HPS3: variants seen among roughly 807,000 people sequenced by gnomAD.
The protein encoded by HPS3 is BLOC-2 complex member HPS3.
In HPS3, 79 loss-of-function variants were observed where a neutral mutation model predicts 110.9. That is an observed-to-expected ratio of 0.71 (90% CI 0.59 to 0.86). HPS3 has a LOEUF of 0.86. HPS3 is among the 40% of genes least tolerant of loss of function. The pLI is 0.00. For missense variants in HPS3, 1,197 were observed against 1,206.2 expected, an observed-to-expected ratio of 0.99 and a Z score of 0.11; for synonymous variants, 428 against 451.0, an observed-to-expected ratio of 0.95 and a Z score of 0.65.
chr3:149,171,610 A>G lies in HPS3; in HGVS notation c.2888-485A>G, dbSNP rs967469381. On this transcript the variant is annotated intron_variant, in intron 16 of 16. Coordinates refer to ENST00000296051, the MANE Select transcript of HPS3 (RefSeq NM_032383.5). ...CCTTCAAAGGATTCTAGTAAGGAAAAATAAGTTACAACCATAAAGAAGCCT... is the reference window on the plus strand; with the variant it reads ...CCTTCAAAGGATTCTAGTAAGGAAAGATAAGTTACAACCATAAAGAAGCCT... 2.6e-5 allele frequency among the ~76,000 whole-genome samples: 4 copies of G among 152,212 alleles called. No homozygotes were observed. The South Asian group carries it at 8.3e-4, about 31-fold the overall frequency.
At chr3:149,167,374 A>G (rs1724529698) in intron 15 of HPS3, 134 bp downstream of exon 15, 14 of 711,324 alleles carry the variant, frequency 2.0e-5, no homozygotes, top group Non-Finnish European at 3.5e-5. Context: ...CATTGAGCAT[A>G]TATGTTTAAT....
In HPS3 at chr3:149,167,875, C is replaced by T. The variant is rs763208429; in HGVS notation, c.2797-18C>T. ...AAAATGCATCAAACTAAAATTTATT[C>T]ATTTTTTCCTAAGATAGACTCTGTG... On this transcript the variant is annotated intron_variant, in intron 15 of 16. Coordinates refer to ENST00000296051, the MANE Select transcript of HPS3 (RefSeq NM_032383.5). The T allele has an allele frequency of 2.7e-6, 4 of 1,466,440 alleles. No homozygotes were observed. The highest frequency in any genetic ancestry group is 3.8e-6 in the Non-Finnish European group (4 of 1,045,708). The allele number at this position is 1,466,440 out of a possible 1,614,324, so 90.8% of individuals were successfully genotyped here.
intron 16 of HPS3, among the ~76,000 whole-genome samples, chr3:149,170,880 A>G (rs1367939974): frequency 6.6e-6 from 1 of 152,174 alleles, no homozygotes; most frequent in Non-Finnish European, 1.5e-5. Flanking sequence ...ATTGTTCATA[A>G]CTGTCACCCT....
chr3:149,155,431 C>T (rs187098038), intron 8 of HPS3, among the ~76,000 whole-genome samples: 30 of 152,254 alleles, frequency 2.0e-4, no homozygotes, highest in Admixed American at 2.0e-3. Flanking sequence ...GCATAAGACT[C>T]CCTTATTCAT....
chr3:149,139,775 C>T (rs1271802042), intron 1 of HPS3, among the ~76,000 whole-genome samples: 2 of 152,208 alleles, frequency 1.3e-5, no homozygotes, highest in Non-Finnish European at 2.9e-5. Context: ...GTTACATGGG[C>T]AATTAATAGG....
chr3:149,147,534 A>G (rs758734481), intron 5 of HPS3, among the ~76,000 whole-genome samples: 3 of 152,230 alleles, frequency 2.0e-5, no homozygotes, highest in Non-Finnish European at 4.4e-5. Flanking sequence ...CTGTCCCATC[A>G]TATAGATGTA....
rs773728441 is a variant in HPS3 at position 149,162,451 on chromosome 3, A to G, written c.2292+118A>G. On this transcript the variant is annotated intron_variant, in intron 12 of 16. Coordinates refer to ENST00000296051, the MANE Select transcript of HPS3 (RefSeq NM_032383.5). ...TTGTTTATTGAAAAAACAGACATAC[A>G]TAATCAGTTTATAAGATAAAAGTAC... 8 of 982,666 alleles carry G rather than the reference A, an allele frequency of 8.1e-6. No individual in the cohort carries two copies. The South Asian group carries it at 9.5e-5, about 12-fold the overall frequency. The allele number at this position is 982,666 out of a possible 1,614,324, so 60.9% of individuals were successfully genotyped here. A position where few individuals can be genotyped will look rare whatever the true frequency, so the allele number is the denominator to read the frequency against.
chr3:149,170,113 A>C (rs1242272136), intron 16 of HPS3, among the ~76,000 whole-genome samples: 1 of 152,224 alleles, frequency 6.6e-6, no homozygotes, highest in Admixed American at 6.5e-5. Flanking sequence ...GGATTCTAGA[A>C]GGAATTAAAG....
chr3:149,139,340 G>T (rs905340478), intron 1 of HPS3, among the ~76,000 whole-genome samples: 1 of 152,124 alleles, frequency 6.6e-6, no homozygotes, highest in Non-Finnish European at 1.5e-5. Flanking sequence ...TGTGATCTCT[G>T]TTTATATGAG....
At chr3:149,165,699 G>A (rs1162975056) in intron 14 of HPS3, among the ~76,000 whole-genome samples, 2 of 152,118 alleles carry the variant, frequency 1.3e-5, no homozygotes, top group East Asian at 3.9e-4. Flanking sequence ...ATGGGTAGTT[G>A]AAGTTATGAC....
At chr3:149,161,734 T>G (rs1723878903) in intron 11 of HPS3, among the ~76,000 whole-genome samples, 1 of 152,112 alleles carries the variant, frequency 6.6e-6, no homozygotes, top group Non-Finnish European at 1.5e-5. Flanking sequence ...GGTCTCGAAC[T>G]CCTGACCTCA....
intron 4 of HPS3, among the ~76,000 whole-genome samples, chr3:149,142,265 C>T (rs559329745): frequency 1.6e-4 from 24 of 152,292 alleles, no homozygotes; most frequent in Admixed American, 5.2e-4. Context: ...GGCCTCTAGG[C>T]CCAAAAAGGA....
Position 149,145,517 on chromosome 3 carries a change from C to CA in HPS3, c.1135dup (p.Thr379AsnfsTer11). The stretch of plus-strand genomic sequence containing the variant: ...CTGAAAAGTCTCAGCAGGCAGTACT[C>CA]ACGCCACAATTTTTGCACGTCATTA... On this transcript the variant is annotated frameshift_variant, in exon 5 of 17. Coordinates refer to ENST00000296051, the MANE Select transcript of HPS3 (RefSeq NM_032383.5). LOFTEE classifies it high-confidence loss of function. 6.2e-7 allele frequency: 1 copy of CA among 1,614,110 alleles called. No homozygotes were observed. The highest frequency in any genetic ancestry group is 8.5e-7 in the Non-Finnish European group (1 of 1,179,988).
In HPS3 at chr3:149,162,212, T is replaced by G; in HGVS notation, c.2171T>G (p.Ile724Ser). ...RLLIQQRKGQIVPTELALHLK... is the reference protein window; with the variant it reads ...RLLIQQRKGQSVPTELALHLK... Reference sequence around the variant, plus strand: ...TTGATTCAACAGAGAAAGGGACAGATTGTTCCAACCGAGCTTGCACTTCAC... The same window carrying G: ...TTGATTCAACAGAGAAAGGGACAGAGTGTTCCAACCGAGCTTGCACTTCAC... Residue 724 changes from isoleucine (I) to serine (S), a missense_variant, in exon 12 of 17, where the codon ATT (isoleucine) becomes AGT (serine). By Grantham distance (142) the Ile-to-Ser change is moderately radical. Coordinates refer to ENST00000296051, the MANE Select transcript of HPS3 (RefSeq NM_032383.5). 6.2e-7 allele frequency: 1 copy of G among 1,614,074 alleles called. No individual in the cohort carries two copies. Among genetic ancestry groups the G allele is most frequent in the Non-Finnish European group, 8.5e-7 (1 of 1,179,968 alleles).
At chr3:149,151,919 C>T (rs1723154973) in intron 6 of HPS3, among the ~76,000 whole-genome samples, 1 of 152,210 alleles carries the variant, frequency 6.6e-6, no homozygotes, top group Non-Finnish European at 1.5e-5. Flanking sequence ...CCAGCCCCGA[C>T]TTAGTGCCTA....
chr3:149,160,201 G>A lies in HPS3; in HGVS notation c.2028G>A (p.Val676=), dbSNP rs1468018562. The A allele has an allele frequency of 1.9e-6, 3 of 1,613,914 alleles. No homozygotes were observed. The South Asian group carries it at 3.3e-5, about 18-fold the overall frequency. The change falls in exon 11 of 17, where the codon GTG becomes GTA. Residue 676 remains valine, a synonymous_variant. Transcript: ENST00000296051. ...CTTCTGGGTTTTCATCGATCTTAGT[G>A]ACATTGACCAAGGCAGCAGTGGCTC... is the stretch of plus-strand genomic sequence containing the variant. ...LDTSGFSSIL[V]TLTKAAVALK... is the part of the protein sequence containing the mutation.
At chr3:149,137,074 A>G (rs1722155892) in intron 1 of HPS3, among the ~76,000 whole-genome samples, 1 of 152,198 alleles carries the variant, frequency 6.6e-6, no homozygotes, top group Admixed American at 6.5e-5. Flanking sequence ...CATATATCTC[A>G]TAAGGGATTA....
rs1241153155 is a variant in HPS3, at chr3:149,160,087, G to A, written c.1914G>A (p.Glu638=). 6.2e-7 allele frequency: 1 copy of A among 1,613,936 alleles called. No homozygotes were observed. Among genetic ancestry groups the A allele is most frequent in the Admixed American group, 1.7e-5 (1 of 59,990 alleles). The change falls in exon 11 of 17, where the codon GAG becomes GAA. Residue 638 remains glutamate (E), a synonymous_variant. Transcript: ENST00000296051. ...TGGTTCAGATGTTTTATGTGGCTGA[G>A]CCAAAGCAAGTGCCCCATATTCTCT... The part of the protein sequence containing the change: ...AKVVQMFYVA[E]PKQVPHILCS...
intron 1 of HPS3, among the ~76,000 whole-genome samples, chr3:149,136,055 G>A (rs957884473): frequency 1.7e-4 from 26 of 152,018 alleles, no homozygotes; most frequent in Admixed American, 1.7e-3. Flanking sequence ...TTAAAAATCA[G>A]TAACTCTAAG....
Sources: gnomAD v4.1 joint callset for allele counts (sites outside exome capture counted in the v4.1 genomes callset) on GRCh38, gnomAD v4.1.1 for gene constraint, MANE v1.5 for transcripts, NCBI Gene and HGNC (gene_info 2026-07-23, HGNC 2026-07-21) for gene names.